Variants in SIPA1L3 observed in about 807,000 individuals in gnomAD.
The protein encoded by SIPA1L3 is signal induced proliferation associated 1 like 3, also known as signal-induced proliferation-associated 1-like protein 3.
In SIPA1L3, 59 loss-of-function variants were observed where a neutral mutation model predicts 150.1. The ratio of observed to expected loss-of-function variants is 0.39; its 90% CI spans 0.32 to 0.49. The LOEUF (loss-of-function observed/expected upper bound fraction) is 0.49, where lower values mean the gene tolerates loss of function less well. Ranked by LOEUF, SIPA1L3 falls within the 20% of genes least tolerant of loss-of-function variation. The pLI is 0.86. For missense variants in SIPA1L3, 2,211 were observed against 2,489.5 expected, an observed-to-expected ratio of 0.89 and a Z score of 2.38; for synonymous variants, 1,070 against 1,077.6, an observed-to-expected ratio of 0.99 and a Z score of 0.14.
chr19:38,059,977 G>T (rs761476786), intron 2 of SIPA1L3, among the ~76,000 whole-genome samples: 11 of 152,310 alleles, frequency 7.2e-5, no homozygotes, highest in Admixed American at 1.3e-4. Context: ...GTTTTGCCAT[G>T]TTGGCCAGGC....
rs144689257 is a variant in SIPA1L3, at chr19:37,954,860, G to T, written c.-379+47502G>T. On this transcript the variant is annotated intron_variant, in intron 1 of 21. Coordinates refer to ENST00000222345, the MANE Select transcript of SIPA1L3 (RefSeq NM_015073.3). ...CCAGTACTTTGGGAGGCCAAGGCAGGCAGATCTCTTGAGGCCAGGAGTTCG... is the reference window on the plus strand; with the variant it reads ...CCAGTACTTTGGGAGGCCAAGGCAGTCAGATCTCTTGAGGCCAGGAGTTCG... Among the ~76,000 whole-genome samples, 530 of 152,242 alleles carry T rather than the reference G, an allele frequency of 3.5e-3. 4 individuals are homozygous for T. Among genetic ancestry groups the T allele is most frequent in the African/African-American group, 0.012 (512 of 41,530 alleles).
At chr19:38,176,061 G>T (rs933588279) in intron 15 of SIPA1L3, among the ~76,000 whole-genome samples, 2 of 152,148 alleles carry the variant, frequency 1.3e-5, no homozygotes, top group African/African-American at 4.8e-5. Flanking sequence ...ACAAAAATTA[G>T]CCAGGCATAA....
intron 9 of SIPA1L3, among the ~76,000 whole-genome samples, chr19:38,124,060 G>A (rs1477126360): frequency 1.3e-4 from 19 of 150,056 alleles, no homozygotes; most frequent in South Asian, 8.5e-4. Flanking sequence ...GGGCAGAGGC[G>A]CCCCTCACCT....
intron 1 of SIPA1L3, among the ~76,000 whole-genome samples, chr19:38,006,564 GGC>G (rs1967943208): frequency 6.6e-6 from 1 of 152,122 alleles, no homozygotes; most frequent in African/African-American, 2.4e-5. Flanking sequence ...CCTGACTCTG[GGC>G]GTAATAAGAG....
At chr19:38,201,836 C>T in intron 19 of SIPA1L3, 26 bp from the exon 20 acceptor site, 2 of 1,582,832 alleles carry the variant, frequency 1.3e-6, no homozygotes, top group Non-Finnish European at 1.7e-6. Flanking sequence ...TTGCTGACCC[C>T]TCTCCTCCTC....
In SIPA1L3 at chr19:37,907,260, G is replaced by A. The variant is rs2046341336; in HGVS notation, c.-477G>A. 2.0e-5 allele frequency: 3 copies of A among 152,580 alleles called. No individual in the cohort carries two copies. The South Asian group carries it at 6.2e-4, about 32-fold the overall frequency. The allele number at this position is 152,580 out of a possible 1,614,324, so 9.5% of individuals were successfully genotyped here. ...CGGCTTGGAAGTGGGCAGCCTGGAA[G>A]TCACTCGGGCCACCGGAGCTGGCGG... On this transcript the variant is annotated 5_prime_UTR_variant, in exon 1 of 22. Transcript: ENST00000222345.
intron 2 of SIPA1L3, among the ~76,000 whole-genome samples, chr19:38,051,531 A>G (rs537854156): frequency 5.9e-5 from 9 of 152,154 alleles, no homozygotes; most frequent in African/African-American, 1.9e-4. Context: ...TGCCACTAGA[A>G]CCTGGTGTAT....
At chr19:38,097,259 G>A (rs1304771099) in intron 4 of SIPA1L3, among the ~76,000 whole-genome samples, 1 of 152,090 alleles carries the variant, frequency 6.6e-6, no homozygotes, top group African/African-American at 2.4e-5. Flanking sequence ...CTGAGGCAGG[G>A]GATCTCTTGC....
rs555914222 is a variant in SIPA1L3, at chr19:37,993,524, C to T, written c.-378-35565C>T. ...TTTTTTGTATTTTTAGTAGAGACAGCGTTTCACTGTGTTGGCCAGGCTATT... is the reference window on the plus strand; with the variant it reads ...TTTTTTGTATTTTTAGTAGAGACAGTGTTTCACTGTGTTGGCCAGGCTATT... On this transcript the variant is annotated intron_variant, in intron 1 of 21. Transcript: ENST00000222345. Among the ~76,000 whole-genome samples the T allele has an allele frequency of 3.9e-5, 6 of 152,086 alleles. No homozygotes were observed. In the South Asian group the frequency reaches 8.3e-4, roughly 21 times the overall value.
intron 4 of SIPA1L3, among the ~76,000 whole-genome samples, chr19:38,097,452 AAG>A (rs1336690198): frequency 2.0e-5 from 3 of 152,188 alleles, no homozygotes; most frequent in African/African-American, 7.2e-5. Flanking sequence ...TTTGAGGAAA[AAG>A]GGGTACAAAT....
At chr19:38,007,559 T>G (rs1398174803) in intron 1 of SIPA1L3, among the ~76,000 whole-genome samples, 1 of 151,918 alleles carries the variant, frequency 6.6e-6, no homozygotes. Flanking sequence ...TTTGTGAAGA[T>G]TCCAATGCCA....
chr19:37,985,478 T>C (rs967387277), intron 1 of SIPA1L3, among the ~76,000 whole-genome samples: 4 of 150,900 alleles, frequency 2.7e-5, no homozygotes, highest in African/African-American at 9.8e-5. Flanking sequence ...GCCTAGACAA[T>C]AGAGAGAGAG....
Position 38,164,411 on chromosome 19 carries a change from G to A in SIPA1L3, c.3781-68G>A. On this transcript the variant is annotated intron_variant, in intron 14 of 21. Coordinates refer to ENST00000222345, the MANE Select transcript of SIPA1L3 (RefSeq NM_015073.3). This position sits in a 1 kb window ranked among gnomAD's most constrained non-coding sequence, Gnocchi z 4.1. ...CAGGGTTCAGGCCCAGGCAGAGGGA[G>A]GACCCGGCAAGGGAAGATGCGCCCC... The A allele has an allele frequency of 7.6e-6, 11 of 1,455,856 alleles. No homozygotes were observed. The South Asian group carries it at 1.3e-4, about 17-fold the overall frequency. The allele number at this position is 1,455,856 out of a possible 1,614,324, so 90.2% of individuals were successfully genotyped here.
intron 1 of SIPA1L3, among the ~76,000 whole-genome samples, chr19:37,969,109 C>G (rs189922915): frequency 6.6e-5 from 10 of 152,314 alleles, no homozygotes; most frequent in Admixed American, 3.9e-4. Flanking sequence ...TGGCATATGC[C>G]TGTAGTTTCA....
intron 1 of SIPA1L3, among the ~76,000 whole-genome samples, chr19:37,939,210 C>T (rs1418699124): frequency 6.6e-6 from 1 of 151,944 alleles, no homozygotes; most frequent in East Asian, 1.9e-4. Context: ...TGTGCCGTTG[C>T]ATTTTGGTAT....
intron 9 of SIPA1L3, among the ~76,000 whole-genome samples, chr19:38,126,395 G>A (rs962235893): frequency 7.2e-5 from 11 of 152,146 alleles, no homozygotes; most frequent in African/African-American, 2.7e-4. Flanking sequence ...TGTCCAACCT[G>A]CAGCCCAAGA....
At chr19:38,148,398 C>T (rs1600136476) in intron 12 of SIPA1L3, among the ~76,000 whole-genome samples, 1 of 151,722 alleles carries the variant, frequency 6.6e-6, no homozygotes, top group African/African-American at 2.4e-5. Context: ...CTTGCCCACC[C>T]CTCAACCCCT....
chr19:37,929,069 A>C (rs976237428), intron 1 of SIPA1L3, among the ~76,000 whole-genome samples: 1 of 152,128 alleles, frequency 6.6e-6, no homozygotes, highest in Non-Finnish European at 1.5e-5. Context: ...GAGTGAGGAA[A>C]CCTTTCATTG....
At chr19:38,194,463 A>G (rs528526114) in intron 18 of SIPA1L3, among the ~76,000 whole-genome samples, 58 of 152,206 alleles carry the variant, frequency 3.8e-4, no homozygotes, top group African/African-American at 1.3e-3. Context: ...TTTAGGGTCC[A>G]TAGTCCCCCT....
Sources: allele counts gnomAD v4.1 joint callset (sites outside exome capture counted in the v4.1 genomes callset), GRCh38; gene constraint gnomAD v4.1.1; non-coding constraint Gnocchi (gnomAD v3.1); transcripts MANE v1.5; gene names NCBI Gene and HGNC (gene_info 2026-07-23, HGNC 2026-07-21).